Variants in GRM5 observed in about 807,000 individuals in gnomAD.
GRM5 encodes metabotropic glutamate receptor 5.
Under a neutral mutation model 83.1 loss-of-function variants are expected in GRM5, and 19 were observed. That is an observed-to-expected ratio of 0.23 (90% CI 0.16 to 0.34). The LOEUF is 0.34. GRM5 is among the 10% of genes least tolerant of loss of function. The pLI is 1.00. For synonymous variants in GRM5, 675 were observed against 633.6 expected, an observed-to-expected ratio of 1.07 and a Z score of -0.98; for missense variants, 1,160 against 1,588.3, an observed-to-expected ratio of 0.73 and a Z score of 4.58.
chr11:88,900,104 A>C (rs1189057702), intron 2 of GRM5, among the ~76,000 whole-genome samples: 1 of 152,160 alleles, frequency 6.6e-6, no homozygotes, highest in Non-Finnish European at 1.5e-5. Context: ...CAGGTGGCAT[A>C]AAAAATGAAG....
At position 89,030,199 on chromosome 11, in the gene GRM5, T is replaced by C. The variant is rs568556648; in HGVS notation, c.661+17013A>G. Among the ~76,000 whole-genome samples the C allele has an allele frequency of 8.5e-4, 129 of 152,268 alleles. 1 individual carries two copies. Among genetic ancestry groups the C allele is most frequent in the African/African-American group, 3.0e-3 (124 of 41,568 alleles). On this transcript the variant is annotated intron_variant, in intron 2 of 9. Transcript: ENST00000305447. ...CTTCCTAAATGATAAAACTTGGATA[T>C]TTGACTTCTTCCCTAATTCTTCCAG... is the stretch of plus-strand genomic sequence containing the variant.
chr11:88,725,969 C>T (rs915737748), intron 3 of GRM5, among the ~76,000 whole-genome samples: 1 of 152,136 alleles, frequency 6.6e-6, no homozygotes, highest in Non-Finnish European at 1.5e-5. Context: ...AAGAACCAGA[C>T]TGCCTCTTCT....
chr11:88,831,639 T>C (rs1407509992), intron 3 of GRM5, among the ~76,000 whole-genome samples: 1 of 152,160 alleles, frequency 6.6e-6, no homozygotes, highest in East Asian at 1.9e-4. Context: ...ATCCACCACC[T>C]CTCATGGTGC....
intron 2 of GRM5, among the ~76,000 whole-genome samples, chr11:88,976,390 A>G (rs575574201): frequency 3.3e-5 from 5 of 152,090 alleles, no homozygotes; most frequent in Non-Finnish European, 1.5e-5. Flanking sequence ...CCTTTCTTCA[A>G]TGTCACTTTT....
chr11:88,648,515 AG>A (rs1413640630), intron 4 of GRM5, among the ~76,000 whole-genome samples: 1 of 76,596 alleles, frequency 1.3e-5, no homozygotes, highest in Admixed American at 1.7e-4. Flanking sequence ...GGGTGGGGGG[AG>A]GGGGGAGGGA....
chr11:89,041,986 G>A (rs1941546150), intron 2 of GRM5, among the ~76,000 whole-genome samples: 1 of 152,134 alleles, frequency 6.6e-6, no homozygotes, highest in African/African-American at 2.4e-5. Flanking sequence ...CCAGGAAAAG[G>A]AGCACTTCAT....
chr11:88,883,848 G>T (rs995951383), intron 2 of GRM5, among the ~76,000 whole-genome samples: 1 of 152,154 alleles, frequency 6.6e-6, no homozygotes, highest in Non-Finnish European at 1.5e-5. Flanking sequence ...ATGGTGTTGG[G>T]ACTGTGGGTG....
chr11:88,806,146 A>G (rs1943496261), intron 3 of GRM5, among the ~76,000 whole-genome samples: 1 of 152,214 alleles, frequency 6.6e-6, no homozygotes. Context: ...GTTCTTAACT[A>G]GAAGTGCTCA....
intron 2 of GRM5, among the ~76,000 whole-genome samples, chr11:89,010,767 T>C (rs1372630526): frequency 2.0e-5 from 3 of 150,624 alleles, no homozygotes; most frequent in Non-Finnish European, 4.4e-5. Context: ...GGAGAATAGT[T>C]ATTAGAACGT....
chr11:88,948,549 G>A (rs181080910), intron 2 of GRM5, among the ~76,000 whole-genome samples: 95 of 152,246 alleles, frequency 6.2e-4, no homozygotes, highest in African/African-American at 2.3e-3. Context: ...AGTTAACTTA[G>A]GTCTAACCTG....
At chr11:88,750,303 A>C (rs2135426281) in intron 3 of GRM5, among the ~76,000 whole-genome samples, 1 of 152,318 alleles carries the variant, frequency 6.6e-6, no homozygotes, top group East Asian at 1.9e-4. Flanking sequence ...GATTCTGACA[A>C]AACAGATTTT....
chr11:88,821,938 C>T (rs1031632884), intron 3 of GRM5, among the ~76,000 whole-genome samples: 1 of 137,422 alleles, frequency 7.3e-6, no homozygotes. Flanking sequence ...TTCCTACTTA[C>T]ATTTTATCAT....
intron 4 of GRM5, among the ~76,000 whole-genome samples, chr11:88,635,663 T>C (rs1939098071): frequency 6.6e-6 from 1 of 152,236 alleles, no homozygotes; most frequent in African/African-American, 2.4e-5. Flanking sequence ...TTGTTTCCTT[T>C]GCTGTGCATG....
intron 4 of GRM5, among the ~76,000 whole-genome samples, chr11:88,622,703 A>T (rs1347130117): frequency 6.6e-6 from 1 of 152,076 alleles, no homozygotes; most frequent in Non-Finnish European, 1.5e-5. Flanking sequence ...TTGAGCAGCA[A>T]CTGTGTGCCA....
chr11:88,807,110 T>A (rs929765170), intron 3 of GRM5, among the ~76,000 whole-genome samples: 1 of 152,194 alleles, frequency 6.6e-6, no homozygotes, highest in Non-Finnish European at 1.5e-5. Context: ...CATCTCTTAA[T>A]GGTAAAGGCA....
At chr11:88,634,807 T>C (rs747861714) in intron 4 of GRM5, among the ~76,000 whole-genome samples, 27 of 152,218 alleles carry the variant, frequency 1.8e-4, no homozygotes, top group Non-Finnish European at 3.1e-4. Context: ...TGTGCCATAC[T>C]TTCATGCAAT....
At chr11:88,943,531 C>G (rs1477474540) in intron 2 of GRM5, among the ~76,000 whole-genome samples, 1 of 151,952 alleles carries the variant, frequency 6.6e-6, no homozygotes, top group Non-Finnish European at 1.5e-5. Context: ...AAAACAAAAA[C>G]AAAGCTTATG....
At chr11:88,548,105 A>G (rs1470294309) in intron 8 of GRM5, among the ~76,000 whole-genome samples, 2 of 152,210 alleles carry the variant, frequency 1.3e-5, no homozygotes, top group African/African-American at 4.8e-5. Flanking sequence ...GGATATTCCT[A>G]TCTTTTTCTT....
chr11:88,877,400 C>T (rs778095522), intron 2 of GRM5, among the ~76,000 whole-genome samples: 4 of 151,886 alleles, frequency 2.6e-5, no homozygotes, highest in African/African-American at 7.3e-5. Flanking sequence ...GAAGCAAGGG[C>T]GACTCATACA....
Sources: gnomAD v4.1 joint callset for allele counts (sites outside exome capture counted in the v4.1 genomes callset) on GRCh38, gnomAD v4.1.1 for gene constraint, MANE v1.5 for transcripts, NCBI Gene and HGNC (gene_info 2026-07-23, HGNC 2026-07-21) for gene names.